Variants in SMTNL1 observed in about 807,000 individuals in gnomAD.
SMTNL1 encodes smoothelin-like protein 1.
In SMTNL1, 41 loss-of-function variants were observed where a neutral mutation model predicts 46.6. The ratio of observed to expected loss-of-function variants is 0.88; its 90% CI spans 0.69 to 1.14. The LOEUF (loss-of-function observed/expected upper bound fraction) is 1.14, where lower values mean the gene tolerates loss of function less well. Ranked by LOEUF, SMTNL1 falls within the 50% of genes most tolerant of loss-of-function variation. The pLI, the probability that SMTNL1 is intolerant of heterozygous loss-of-function variation, is 0.00. For synonymous variants in SMTNL1, 234 were observed against 234.2 expected, an observed-to-expected ratio of 1.00 and a Z score of 0.01; for missense variants, 591 against 626.1, an observed-to-expected ratio of 0.94 and a Z score of 0.60.
In SMTNL1 at chr11:57,542,060, G is replaced by C. The variant is rs111231965; in HGVS notation, c.-2-581G>C. 1.8e-3 allele frequency among the ~76,000 whole-genome samples: 265 copies of C among 150,996 alleles called. 1 individual carries two copies. Among genetic ancestry groups the C allele is most frequent in the Middle Eastern group, 0.01 (3 of 292 alleles). On this transcript the variant is annotated intron_variant, in intron 1 of 7. Transcript: ENST00000527972. ...AGGCAGGTGGATTGCTTGAGCTCAG[G>C]AGTTTGAGACCAGCCTGGGCAACAT...
chr11:57,544,262 C>T (rs1242105828), intron 4 of SMTNL1, among the ~76,000 whole-genome samples: 1 of 152,168 alleles, frequency 6.6e-6, no homozygotes, highest in Non-Finnish European at 1.5e-5. Context: ...CACCTGTAAT[C>T]CCATCTACTC....
Position 57,546,045 on chromosome 11 carries a change from C to T in SMTNL1, c.1073+9C>T, listed in dbSNP as rs751881376. On this transcript the variant is annotated intron_variant, in intron 5 of 7. Transcript: ENST00000527972. The stretch of plus-strand genomic sequence containing the variant: ...GTGGACAAGTTTGGCGGGTAGGACA[C>T]AGGCCAGGGGCTGGGCTGGGCTTTC... 6.4e-7 allele frequency: 1 copy of T among 1,573,252 alleles called. No individual in the cohort carries two copies. Among genetic ancestry groups the T allele is most frequent in the Non-Finnish European group, 8.6e-7 (1 of 1,160,796 alleles).
intron 7 of SMTNL1, among the ~76,000 whole-genome samples, 165 bp downstream of exon 7, chr11:57,546,817 A>G (rs1030294811): frequency 6.6e-6 from 1 of 152,186 alleles, no homozygotes; most frequent in African/African-American, 2.4e-5. Flanking sequence ...CTGGGGATAC[A>G]GCAGTGGGTG....
intron 1 of SMTNL1, among the ~76,000 whole-genome samples, chr11:57,538,455 A>T (rs1944847063): frequency 6.6e-6 from 1 of 152,208 alleles, no homozygotes; most frequent in South Asian, 2.1e-4. Context: ...GAAGGAAAGG[A>T]GAGAATAAGA....
Position 57,542,978 on chromosome 11 carries a change from T to C in SMTNL1, c.336T>C (p.Thr112=), listed in dbSNP as rs745741676. 13 of 1,602,016 alleles carry C rather than the reference T, an allele frequency of 8.1e-6. No individual in the cohort carries two copies. Among genetic ancestry groups the C allele is most frequent in the Middle Eastern group, 1.6e-4 (1 of 6,076 alleles). ...CCACTGTGGGTTCTCAGGAGATGAC[T>C]GGCAGGAAAGAAGAGACCAAATCTG... ...EETTVGSQEM[T]GRKEETKSEP... The change falls in exon 2 of 8, where the codon ACT becomes ACC. Residue 112 remains threonine, a synonymous_variant. Transcript: ENST00000527972.
intron 4 of SMTNL1, among the ~76,000 whole-genome samples, chr11:57,544,122 G>A (rs1200977932): frequency 2.6e-5 from 4 of 152,256 alleles, no homozygotes; most frequent in African/African-American, 9.6e-5. Flanking sequence ...GCTCACGCCT[G>A]TAATCCCGGC....
chr11:57,545,821 C>T lies in SMTNL1; in HGVS notation c.918-60C>T, dbSNP rs115783680. On this transcript the variant is annotated intron_variant, in intron 4 of 7. Coordinates refer to ENST00000527972, the MANE Select transcript of SMTNL1 (RefSeq NM_001105565.3). ...CACCCTCCAGCCCCACAGCCCCCTC[C>T]CTGTGTCCTGCAGTGCTGGTCCCAG... 7.4e-4 allele frequency: 1,127 copies of T among 1,520,420 alleles called. 11 individuals carry two copies. The African/African-American group carries it at 0.014, about 19-fold the overall frequency. 94.2% of individuals were successfully genotyped at this position (1,520,420 alleles called of 1,614,324 possible).
At chr11:57,545,282 T>C (rs1944912874) in intron 4 of SMTNL1, among the ~76,000 whole-genome samples, 1 of 152,096 alleles carries the variant, frequency 6.6e-6, no homozygotes, top group African/African-American at 2.4e-5. Flanking sequence ...TCAAACAATG[T>C]GACAGTCCCA....
rs184907637 is a variant in SMTNL1 at position 57,546,324 on chromosome 11, C to T, written c.1165C>T (p.Arg389Ter). Residue 389 changes from arginine to a stop codon, truncating the protein, a stop_gained, in exon 6 of 8, where the codon CGA becomes TGA. Coordinates refer to ENST00000527972, the MANE Select transcript of SMTNL1 (RefSeq NM_001105565.3). LOFTEE classifies it high-confidence loss of function. ...CAAGAACATGCTCTTGGAGTGGTGC[C>T]GAGCCATGACAAAAAAATACGAGGT... Reference protein sequence around the residue: ...GVKNMLLEWCRAMTKKYEHVD... With the variant: ...GVKNMLLEWC 5.4e-4 allele frequency: 865 copies of T among 1,605,410 alleles called. 2 individuals are homozygous for T. The African/African-American group carries it at 1.0e-2, about 18-fold the overall frequency.
At chr11:57,544,178 G>A (rs895382084) in intron 4 of SMTNL1, among the ~76,000 whole-genome samples, 52 of 152,302 alleles carry the variant, frequency 3.4e-4, no homozygotes, top group Middle Eastern at 3.4e-3. Context: ...TCATGAGTTC[G>A]AGACCAGCCT....
Position 57,543,855 on chromosome 11 carries a change from T to C in SMTNL1, c.866-14T>C. ...ATAGCCCCAGCTTCCCTCCCTCCTT[T>C]CACTTTCCTCCAGATGGGCTGGGTC... is the stretch of plus-strand genomic sequence containing the variant. On this transcript the variant is annotated splice_polypyrimidine_tract_variant and intron_variant, in intron 3 of 7. Transcript: ENST00000527972. The C allele has an allele frequency of 6.3e-7, 1 of 1,588,160 alleles. No individual in the cohort carries two copies. The highest frequency in any genetic ancestry group is 1.2e-5 in the South Asian group (1 of 86,612).
rs1358124750 is a variant in SMTNL1, at chr11:57,546,520, TCTC to T, written c.1213_1215del (p.Ser406del). Reference sequence around the variant, plus strand: ...CCATAGCATGTGGACATCCAGAACTTCTCCTCCAGCTGGAGCAGTGGTATGGCC... The same window carrying T: ...CCATAGCATGTGGACATCCAGAACTTCTCCAGCTGGAGCAGTGGTATGGCC... On this transcript the variant is annotated inframe_deletion, in exon 7 of 8. Coordinates refer to ENST00000527972, the MANE Select transcript of SMTNL1 (RefSeq NM_001105565.3). 2 of 1,614,118 alleles carry T rather than the reference TCTC, an allele frequency of 1.2e-6. No individual in the cohort carries two copies. The highest frequency in any genetic ancestry group is 1.3e-5 in the African/African-American group (1 of 75,036).
Position 57,543,181 on chromosome 11 carries a change from G to A in SMTNL1, c.539G>A (p.Gly180Asp), listed in dbSNP as rs1565154989. 1.9e-6 allele frequency: 3 copies of A among 1,613,852 alleles called. No individual in the cohort carries two copies. The highest frequency in any genetic ancestry group is 8.5e-7 in the Non-Finnish European group (1 of 1,179,806). ...DAKTASQEETGQRKECSTEPK... is the reference protein window; with the variant it reads ...DAKTASQEETDQRKECSTEPK... ...AAGACAGCCTCTCAGGAGGAGACAG[G>A]CCAGAGGAAAGAGTGCAGCACTGAA... The change falls in exon 2 of 8, where the codon GGC becomes GAC. Residue 180 changes from glycine to aspartate, a missense_variant. By Grantham distance (94) the Gly-to-Asp change is moderately conservative (BLOSUM62 -1). Transcript: ENST00000527972.
rs777401262 is a variant in SMTNL1 at position 57,543,322 on chromosome 11, GTGCAAAAGAGGAGGCTGA to G, written c.696_713del (p.Asp233_Ala238del). ...GATGGGAAAGAGGAGGCCAAACATG[GTGCAAAAGAGGAGGCTGA>G]TGCAAAAGAGGAGGCGGAGGATGCA... On this transcript the variant is annotated inframe_deletion, in exon 2 of 8. Coordinates refer to ENST00000527972, the MANE Select transcript of SMTNL1 (RefSeq NM_001105565.3). 17 of 1,613,916 alleles carry G rather than the reference GTGCAAAAGAGGAGGCTGA, an allele frequency of 1.1e-5. No homozygotes were observed. The highest frequency in any genetic ancestry group is 5.3e-5 in the African/African-American group (4 of 74,946).
At chr11:57,548,583 T>C (rs1318558350) in intron 7 of SMTNL1, among the ~76,000 whole-genome samples, 1 of 152,072 alleles carries the variant, frequency 6.6e-6, no homozygotes, top group African/African-American at 2.4e-5. Context: ...GGCAGGAGAA[T>C]CACTTGAATC....
At chr11:57,541,460 G>A (rs1320248118) in intron 1 of SMTNL1, 1 of 1,365,604 alleles carries the variant, frequency 7.3e-7, no homozygotes, top group Non-Finnish European at 9.8e-7. Flanking sequence ...AGTATATACA[G>A]TACTTAAATA....
rs1554989089 is a variant in SMTNL1 at position 57,542,113 on chromosome 11, AAC to A, written c.-2-498_-2-497del. Among the ~76,000 whole-genome samples the A allele has an allele frequency of 6.4e-3, 677 of 105,494 alleles. 16 individuals carry two copies. The highest frequency in any genetic ancestry group is 0.039 in the Admixed American group (417 of 10,654). 69.2% of individuals were successfully genotyped at this position (105,494 alleles called of 152,430 possible). On this transcript the variant is annotated intron_variant, in intron 1 of 7. Coordinates refer to ENST00000527972, the MANE Select transcript of SMTNL1 (RefSeq NM_001105565.3). Reference sequence around the variant, plus strand: ...CAAAACCCCATCTCTACAAAAAAAAAACACACACACACACACACACACACACA... The same window carrying A: ...CAAAACCCCATCTCTACAAAAAAAAAACACACACACACACACACACACACA...
chr11:57,548,022 C>T (rs905574938), intron 7 of SMTNL1, among the ~76,000 whole-genome samples: 6 of 152,148 alleles, frequency 3.9e-5, no homozygotes, highest in African/African-American at 7.2e-5. Context: ...TGGCCTTGGG[C>T]AAACCACCAA....
chr11:57,541,553 G>A (rs377271284), intron 1 of SMTNL1: 5 of 1,367,236 alleles, frequency 3.7e-6, no homozygotes, highest in Non-Finnish European at 4.9e-6. Context: ...CAGAGGCCAG[G>A]GAGAGTACGG....
Sources: allele counts gnomAD v4.1 joint callset (sites outside exome capture counted in the v4.1 genomes callset), GRCh38; gene constraint gnomAD v4.1.1; transcripts MANE v1.5; gene names NCBI Gene and HGNC (gene_info 2026-07-23, HGNC 2026-07-21).